Variants in SLC39A14 observed in about 807,000 individuals in gnomAD.
SLC39A14 encodes the protein metal cation symporter ZIP14.
A neutral mutation model predicts 45.5 loss-of-function variants in SLC39A14; 19 were observed. The ratio of observed to expected loss-of-function variants is 0.42; its 90% CI spans 0.29 to 0.61. The LOEUF is 0.61. Ranked by LOEUF, SLC39A14 falls within the 20% of genes least tolerant of loss-of-function variation. The pLI is 0.22. For missense variants in SLC39A14, 447 were observed against 616.5 expected (o/e 0.73, Z 2.91); for synonymous variants, 264 against 251.3 (o/e 1.05, Z -0.48).
intron 1 of SLC39A14, among the ~76,000 whole-genome samples, chr8:22,374,543 C>T (rs1833104071): frequency 6.8e-6 from 1 of 146,606 alleles, no homozygotes; most frequent in Non-Finnish European, 1.5e-5. Context: ...CGTGTGAATG[C>T]TGGTGGGATG....
chr8:22,412,161 G>A lies in SLC39A14; in HGVS notation c.582G>A (p.Ala194=), dbSNP rs1457311269. 4 of 1,551,726 alleles carry A rather than the reference G, an allele frequency of 2.6e-6. No individual in the cohort carries two copies. The highest frequency in any genetic ancestry group is 2.4e-5 in the East Asian group (1 of 40,910). ...TGCTGCTCTACTTCATAGCTCTGGC[G>A]ATTGGAACCCTCTACTCCAACGCCC... ...KRLLLYFIAL[A]IGTLYSNALF... Residue 194 remains alanine, a synonymous_variant, in exon 4 of 9, where the codon GCG becomes GCA. Transcript: ENST00000381237.
chr8:22,402,033 TATTA>T (rs1441041475), intron 1 of SLC39A14, among the ~76,000 whole-genome samples: 6 of 152,198 alleles, frequency 3.9e-5, no homozygotes, highest in Non-Finnish European at 8.8e-5. Flanking sequence ...ATTAATTAAT[TATTA>T]ATTGTTAATT....
At chr8:22,388,066 G>C (rs1398114091) in intron 1 of SLC39A14, among the ~76,000 whole-genome samples, 1 of 152,182 alleles carries the variant, frequency 6.6e-6, no homozygotes, top group Non-Finnish European at 1.5e-5. Context: ...TTAAGCAGCA[G>C]GTGCTTATTA....
At chr8:22,384,281 T>G (rs1363295546) in intron 1 of SLC39A14, among the ~76,000 whole-genome samples, 1 of 152,130 alleles carries the variant, frequency 6.6e-6, no homozygotes, top group Admixed American at 6.5e-5. Context: ...TTGTGGACTT[T>G]CCTTTTTCTT....
intron 1 of SLC39A14, among the ~76,000 whole-genome samples, chr8:22,368,697 C>T (rs1000976670): frequency 3.4e-4 from 51 of 152,030 alleles, no homozygotes; most frequent in Non-Finnish European, 5.9e-4. Context: ...CCACCATGCC[C>T]GGCTAATTTT....
At chr8:22,373,837 G>T (rs112103736) in intron 1 of SLC39A14, among the ~76,000 whole-genome samples, 1 of 149,078 alleles carries the variant, frequency 6.7e-6, no homozygotes, top group Non-Finnish European at 1.5e-5. Context: ...CAATCTCACC[G>T]CAACCTATAC....
chr8:22,400,566 G>C (rs1269319955), intron 1 of SLC39A14, among the ~76,000 whole-genome samples: 2 of 152,136 alleles, frequency 1.3e-5, no homozygotes, highest in African/African-American at 4.8e-5. Flanking sequence ...TTTAACATTT[G>C]TCTCTTGGTG....
At chr8:22,389,447 C>T (rs1833952709) in intron 1 of SLC39A14, among the ~76,000 whole-genome samples, 2 of 148,192 alleles carry the variant, frequency 1.3e-5, no homozygotes, top group South Asian at 4.3e-4. Flanking sequence ...GGTAGTGGTA[C>T]AGGAGGACCC....
chr8:22,404,719 G>A lies in SLC39A14; in HGVS notation c.9G>A (p.Leu3=). 9.8e-7 allele frequency: 1 copy of A among 1,020,810 alleles called. No individual in the cohort carries two copies. Among genetic ancestry groups the A allele is most frequent in the Non-Finnish European group, 1.3e-6 (1 of 770,026 alleles). The allele number at this position is 1,020,810 out of a possible 1,614,324, so 63.2% of individuals were successfully genotyped here. A position where few individuals can be genotyped will look rare whatever the true frequency, so the allele number is the denominator to read the frequency against. Residue 3 remains leucine, a synonymous_variant, in exon 2 of 9, where the codon CTG becomes CTA. Transcript: ENST00000381237. ...AGGTTTATTCAGTCACCATGAAGCT[G>A]CTGCTGCTGCACCCGGCCTTCCAGA... The part of the protein sequence containing the change: MK[L]LLLHPAFQSC...
chr8:22,412,527 T>G (rs7001171), intron 4 of SLC39A14, among the ~76,000 whole-genome samples: 78,614 of 152,078 alleles, frequency 0.52, 22,919 homozygotes, highest in African/African-American at 0.79. Flanking sequence ...GCGAGTCTGC[T>G]GCAGCACTGA....
At chr8:22,379,045 C>T (rs1040058681) in intron 1 of SLC39A14, among the ~76,000 whole-genome samples, 9 of 152,190 alleles carry the variant, frequency 5.9e-5, no homozygotes, top group African/African-American at 2.2e-4. Context: ...AGAATGCTTC[C>T]TTCTTTTCCC....
At chr8:22,396,620 T>C (rs1391000233) in intron 1 of SLC39A14, among the ~76,000 whole-genome samples, 1 of 140,370 alleles carries the variant, frequency 7.1e-6, no homozygotes, top group Non-Finnish European at 1.5e-5. Context: ...GAATTTGGAA[T>C]TGGATCATGT....
chr8:22,425,883 G>GTTTTTTT (rs72023394), downstream of SLC39A14, among the ~76,000 whole-genome samples: 297 of 140,852 alleles, frequency 2.1e-3, 2 homozygotes, highest in South Asian at 6.6e-3. Context: ...GCTCTAGATG[G>GTTTTTTT]TTTTTGTTTT....
At position 22,399,194 on chromosome 8, in the gene SLC39A14, G is replaced by A. The variant is rs939063660; in HGVS notation, c.-15-5502G>A. On this transcript the variant is annotated intron_variant, in intron 1 of 8. Transcript: ENST00000381237. Reference sequence around the variant, plus strand: ...GGCCACACATGGAATGGAACCTGGCGTGGGGCTTCCTCCTGCAGCTGGGGC... The same window carrying A: ...GGCCACACATGGAATGGAACCTGGCATGGGGCTTCCTCCTGCAGCTGGGGC... 4.6e-5 allele frequency among the ~76,000 whole-genome samples: 7 copies of A among 152,226 alleles called. No individual in the cohort carries two copies. In the East Asian group the frequency reaches 7.7e-4, roughly 17 times the overall value.
intron 1 of SLC39A14, among the ~76,000 whole-genome samples, chr8:22,400,211 T>G (rs139651445): frequency 2.2e-4 from 33 of 152,324 alleles, no homozygotes; most frequent in East Asian, 1.5e-3. Context: ...CAGGCTTTGA[T>G]TTACAAAGCA....
intron 8 of SLC39A14, among the ~76,000 whole-genome samples, chr8:22,427,904 C>A (rs75944359): frequency 6.6e-6 from 1 of 152,176 alleles, no homozygotes; most frequent in South Asian, 2.1e-4. Context: ...TGTGGTGGCT[C>A]ACACCTGCAA....
chr8:22,412,272 G>C, intron 4 of SLC39A14, 66 bp downstream of exon 4: 1 of 1,504,412 alleles, frequency 6.6e-7, no homozygotes, highest in Non-Finnish European at 9.0e-7. Context: ...CCTCCGTTTG[G>C]ATAGAAGGCA....
chr8:22,393,313 C>T (rs538489581), intron 1 of SLC39A14: 5 of 880,976 alleles, frequency 5.7e-6, no homozygotes, highest in African/African-American at 5.4e-5. Flanking sequence ...CAGGGCCAAG[C>T]GAGGGTTGGT....
chr8:22,388,930 A>G (rs1188939229), intron 1 of SLC39A14, among the ~76,000 whole-genome samples: 2 of 152,040 alleles, frequency 1.3e-5, no homozygotes, highest in Admixed American at 6.5e-5. Context: ...TAATCTGTTG[A>G]TAAGTATTTA....
Sources: allele counts gnomAD v4.1 joint callset (sites outside exome capture counted in the v4.1 genomes callset), GRCh38; gene constraint gnomAD v4.1.1; transcripts MANE v1.5; gene names NCBI Gene and HGNC (gene_info 2026-07-23, HGNC 2026-07-21).